The following C6orf163 variants were observed in gnomAD, a reference collection of about 807,000 sequenced individuals.
The protein encoded by C6orf163 is uncharacterized protein C6orf163.
C6orf163 carries 22 observed loss-of-function variants against 28.4 expected under a neutral mutation model. That is an observed-to-expected ratio of 0.78 (90% CI 0.55 to 1.11). The LOEUF (loss-of-function observed/expected upper bound fraction) is 1.11. Ranked by LOEUF, C6orf163 falls within the 50% of genes least tolerant of loss-of-function variation. C6orf163 has a pLI of 0.00. For synonymous variants in C6orf163, 110 were observed against 123.6 expected, an observed-to-expected ratio of 0.89 and a Z score of 0.73; for missense variants, 342 against 389.1, an observed-to-expected ratio of 0.88 and a Z score of 1.02.
Position 87,365,270 on chromosome 6 carries a change from A to C in C6orf163, c.864A>C (p.Ala288=). 1 of 1,551,742 alleles carries C rather than the reference A, an allele frequency of 6.4e-7. No individual in the cohort carries two copies. Among genetic ancestry groups the C allele is most frequent in the Non-Finnish European group, 8.7e-7 (1 of 1,146,990 alleles). ...LEEELQETRM[A]FQKYINYTFP... is the part of the protein sequence containing the mutation. ...AGGAATTACAGGAAACCAGGATGGCATTTCAAAAATACATCAATTATACCT... is the reference window on the plus strand; with the variant it reads ...AGGAATTACAGGAAACCAGGATGGCCTTTCAAAAATACATCAATTATACCT... Residue 288 remains alanine (A), a synonymous_variant, in exon 5 of 5, where the codon GCA becomes GCC. Coordinates refer to ENST00000388923, the MANE Select transcript of C6orf163 (RefSeq NM_001010868.3).
rs76001752 is a variant in C6orf163 at position 87,348,631 on chromosome 6, A to T, written c.149-181A>T. On this transcript the variant is annotated intron_variant, in intron 1 of 4. Transcript: ENST00000388923. ...TCTATCCAGGCCTGACAGTGCTGTG[A>T]ATTCCCTCCTAATCAGAGAAAATCT... 6.5e-3 allele frequency: 8,964 copies of T among 1,376,382 alleles called. 512 individuals are homozygous for T. The African/African-American group carries it at 0.12, about 18-fold the overall frequency. The allele number at this position is 1,376,382 out of a possible 1,614,324, so 85.3% of individuals were successfully genotyped here. A position where few individuals can be genotyped will look rare whatever the true frequency, so the allele number is the denominator to read the frequency against.
chr6:87,362,828 C>T (rs756129723), intron 4 of C6orf163, among the ~76,000 whole-genome samples: 2 of 151,968 alleles, frequency 1.3e-5, no homozygotes, highest in Non-Finnish European at 2.9e-5. Context: ...GACTGGGAGG[C>T]AGAGGGGGAG....
intron 3 of C6orf163, chr6:87,356,071 T>G (rs1777497331): frequency 4.1e-6 from 2 of 482,216 alleles, no homozygotes; most frequent in Admixed American, 7.0e-5. Flanking sequence ...ATATTCCCTT[T>G]CAATATTATC....
rs935048089 is a variant in C6orf163, at chr6:87,345,115, G to A, written c.16G>A (p.Asp6Asn). 39 of 1,529,280 alleles carry A rather than the reference G, an allele frequency of 2.6e-5. No homozygotes were observed. The highest frequency in any genetic ancestry group is 4.9e-5 in the South Asian group (4 of 81,882). The allele number at this position is 1,529,280 out of a possible 1,614,324, so 94.7% of individuals were successfully genotyped here. A position where few individuals can be genotyped will look rare whatever the true frequency, so the allele number is the denominator to read the frequency against. The part of the protein sequence containing the change: MIRNS[D>N]YKNFVCCAVC... The stretch of plus-strand genomic sequence containing the variant: ...AAATTTAACTATGATCAGAAATTCA[G>A]ATTACAAAAACTTTGTTTGCTGTGC... Residue 6 changes from aspartate to asparagine, a missense_variant, in exon 1 of 5, where the codon GAT becomes AAT. Transcript: ENST00000388923.
chr6:87,359,967 C>T (rs1435498260), intron 4 of C6orf163, among the ~76,000 whole-genome samples: 2 of 152,166 alleles, frequency 1.3e-5, no homozygotes, highest in East Asian at 3.8e-4. Flanking sequence ...CGTGCCATTC[C>T]TTCTGCCAGA....
chr6:87,355,860 A>G (rs1406569443), intron 3 of C6orf163, among the ~76,000 whole-genome samples: 3 of 152,118 alleles, frequency 2.0e-5, no homozygotes, highest in African/African-American at 7.2e-5. Flanking sequence ...TGGTTTGACT[A>G]GTGGTTCCTC....
At chr6:87,350,602 T>C (rs983987003) in intron 3 of C6orf163, 101 bp downstream of exon 3, 1 of 667,894 alleles carries the variant, frequency 1.5e-6, no homozygotes, top group Non-Finnish European at 2.5e-6. Context: ...AAATCTAGAC[T>C]GGTGTTTCAT....
intron 3 of C6orf163, among the ~76,000 whole-genome samples, chr6:87,353,124 A>G (rs1562230063): frequency 6.6e-6 from 1 of 152,342 alleles, no homozygotes; most frequent in East Asian, 1.9e-4. Flanking sequence ...TTTTGGTTTT[A>G]TTAAATCATT....
At chr6:87,352,271 G>A (rs242269) in intron 3 of C6orf163, among the ~76,000 whole-genome samples, 2 of 151,928 alleles carry the variant, frequency 1.3e-5, no homozygotes, top group African/African-American at 2.4e-5. Context: ...AGGGCTTGTC[G>A]GTGAACCACT....
intron 1 of C6orf163, among the ~76,000 whole-genome samples, chr6:87,345,950 A>G (rs1253360663): frequency 7.0e-6 from 1 of 143,772 alleles, no homozygotes; most frequent in Non-Finnish European, 1.5e-5. Context: ...ATTTTAAAGT[A>G]CCCTAATAAA....
At chr6:87,355,632 A>G (rs944879454) in intron 3 of C6orf163, among the ~76,000 whole-genome samples, 2 of 152,142 alleles carry the variant, frequency 1.3e-5, no homozygotes, top group Non-Finnish European at 2.9e-5. Flanking sequence ...TCCTCTTTAT[A>G]ATGTTATATT....
intron 3 of C6orf163, 26 bp downstream of exon 3, chr6:87,350,527 C>G: frequency 1.5e-6 from 2 of 1,295,330 alleles, no homozygotes; most frequent in Non-Finnish European, 2.1e-6. Context: ...TATTTGTTGT[C>G]TTTTAAAAGT....
At chr6:87,348,387 A>G in intron 1 of C6orf163, 1 of 988,732 alleles carries the variant, frequency 1.0e-6, no homozygotes, top group Non-Finnish European at 1.2e-6. Context: ...AAAGAAAGGC[A>G]TGTAATGTGA....
At position 87,348,904 on chromosome 6, in the gene C6orf163, C is replaced by G. The variant is rs572429182; in HGVS notation, c.241C>G (p.Gln81Glu). The G allele has an allele frequency of 6.5e-7, 1 of 1,536,904 alleles. No individual in the cohort carries two copies. The highest frequency in any genetic ancestry group is 2.0e-5 in the Admixed American group (1 of 50,884). The change falls in exon 2 of 5, where the codon CAG becomes GAG. Residue 81 changes from glutamine to glutamate, a missense_variant and splice_region_variant. Transcript: ENST00000388923. ...IAKAEAEVWA[Q>E]ANERQKQAVE... ...GAAAGCAGAAGCTGAAGTATGGGCT[C>G]AGGTAAAAGAAGTTACATGTCAACC...
intron 3 of C6orf163, among the ~76,000 whole-genome samples, chr6:87,352,645 C>T (rs1210080792): frequency 6.6e-6 from 1 of 152,044 alleles, no homozygotes; most frequent in Non-Finnish European, 1.5e-5. Context: ...AAATGAAAAA[C>T]TACAGTAGAA....
chr6:87,347,987 T>G (rs1363515869), intron 1 of C6orf163: 3 of 620,796 alleles, frequency 4.8e-6, no homozygotes, highest in Non-Finnish European at 6.0e-6. Flanking sequence ...GAAAGCCCGT[T>G]TCTACTAAAA....
At chr6:87,360,546 AC>A (rs1777566693) in intron 4 of C6orf163, among the ~76,000 whole-genome samples, 1 of 50,160 alleles carries the variant, frequency 2.0e-5, no homozygotes, top group African/African-American at 5.8e-5. Context: ...GCAGGTACTC[AC>A]TCACCACCAT....
At chr6:87,346,283 C>T (rs1015941218) in intron 1 of C6orf163, among the ~76,000 whole-genome samples, 4 of 151,854 alleles carry the variant, frequency 2.6e-5, no homozygotes, top group Non-Finnish European at 5.9e-5. Context: ...GAAAAAAAAA[C>T]TAAAATGTAG....
intron 3 of C6orf163, chr6:87,356,015 A>T (rs1777495566): frequency 6.4e-6 from 2 of 314,718 alleles, no homozygotes; most frequent in South Asian, 1.2e-4. Flanking sequence ...ATCAAGAAAA[A>T]AGACCTTTAA....
Sources: gnomAD v4.1 joint callset for allele counts (sites outside exome capture counted in the v4.1 genomes callset) on GRCh38, gnomAD v4.1.1 for gene constraint, MANE v1.5 for transcripts, NCBI Gene and HGNC (gene_info 2026-07-23, HGNC 2026-07-21) for gene names.